The following PLEKHM3 variants were observed in gnomAD, a reference collection of about 807,000 sequenced individuals.
The protein encoded by PLEKHM3 is pleckstrin homology domain containing M3.
A neutral mutation model predicts 81.8 loss-of-function variants in PLEKHM3; 45 were observed. That is an observed-to-expected ratio of 0.55 (90% CI 0.43 to 0.71). The LOEUF (loss-of-function observed/expected upper bound fraction) is 0.71, where lower values mean the gene tolerates loss of function less well. PLEKHM3 is among the 30% of genes least tolerant of loss of function. The pLI is 0.00. For missense variants in PLEKHM3, 788 were observed against 924.3 expected, an observed-to-expected ratio of 0.85 and a Z score of 1.91; for synonymous variants, 352 against 356.4, an observed-to-expected ratio of 0.99 and a Z score of 0.14.
At chr2:208,007,599 A>G (rs933210981) in intron 1 of PLEKHM3, among the ~76,000 whole-genome samples, 10 of 152,228 alleles carry the variant, frequency 6.6e-5, no homozygotes, top group African/African-American at 2.4e-4. Flanking sequence ...GACTATTGCC[A>G]CATACATAAA....
intron 3 of PLEKHM3, among the ~76,000 whole-genome samples, chr2:207,955,979 G>A (rs1690493770): frequency 2.1e-5 from 3 of 143,632 alleles, no homozygotes; most frequent in South Asian, 2.3e-4. Flanking sequence ...AGGCTGTGTC[G>A]ACACAGGGGC....
chr2:207,922,760 A>G (rs1464277693), intron 5 of PLEKHM3, among the ~76,000 whole-genome samples: 1 of 151,860 alleles, frequency 6.6e-6, no homozygotes, highest in Non-Finnish European at 1.5e-5. Context: ...CGCAGTGAGC[A>G]GAGATCGTGC....
intron 6 of PLEKHM3, among the ~76,000 whole-genome samples, chr2:207,901,562 G>A (rs558870656): frequency 5.1e-4 from 77 of 152,296 alleles, no homozygotes; most frequent in Non-Finnish European, 9.3e-4. Flanking sequence ...CTGGGAGACC[G>A]AGCATGAGGC....
intron 6 of PLEKHM3, among the ~76,000 whole-genome samples, chr2:207,894,071 C>A (rs184849639): frequency 6.6e-6 from 1 of 152,264 alleles, no homozygotes. Flanking sequence ...GAGCTGGGAT[C>A]ATGCACTACA....
rs1266904915 is a variant in PLEKHM3 at position 207,861,153 on chromosome 2, C to T, written c.2060G>A (p.Cys687Tyr). The T allele has an allele frequency of 8.7e-6, 14 of 1,614,138 alleles. No individual in the cohort carries two copies. Among genetic ancestry groups the T allele is most frequent in the South Asian group, 2.2e-5 (2 of 91,074 alleles). Residue 687 changes from cysteine (C) to tyrosine (Y), a missense_variant, in exon 7 of 8, where the codon TGT (cysteine) becomes TAT (tyrosine). Transcript: ENST00000427836. Reference protein sequence around the residue: ...CSQKGFICEICNNGEILYPFE... With the variant: ...CSQKGFICEIYNNGEILYPFE... The stretch of plus-strand genomic sequence containing the variant: ...AGGGTAGAGGATCTCTCCATTGTTA[C>T]AGATTTCACAGATGAACCCCTTCTG...
chr2:207,963,488 C>T (rs1008351039), intron 3 of PLEKHM3, among the ~76,000 whole-genome samples: 2 of 152,050 alleles, frequency 1.3e-5, no homozygotes, highest in Non-Finnish European at 2.9e-5. Context: ...GCAGTTGAGA[C>T]AAGATTTAGA....
intron 3 of PLEKHM3, among the ~76,000 whole-genome samples, chr2:207,971,947 T>C (rs184691025): frequency 3.3e-4 from 50 of 152,358 alleles, no homozygotes; most frequent in Non-Finnish European, 6.2e-4. Context: ...CTGAAAAATC[T>C]GCAATTTCAC....
At chr2:208,016,177 G>C (rs973607944) in intron 1 of PLEKHM3, among the ~76,000 whole-genome samples, 2 of 152,136 alleles carry the variant, frequency 1.3e-5, no homozygotes, top group African/African-American at 4.8e-5. Context: ...CTGGGCGACA[G>C]AGAGAGACTC....
In PLEKHM3 at chr2:207,930,971, T is replaced by A. The variant is rs749623733; in HGVS notation, c.1841A>T (p.Tyr614Phe). The A allele has an allele frequency of 2.5e-6, 4 of 1,613,586 alleles. No homozygotes were observed. The South Asian group carries it at 4.4e-5, about 18-fold the overall frequency. Reference protein sequence around the residue: ...LRQRLKSLRAYLFSCRAAVAE... With the variant: ...LRQRLKSLRAFLFSCRAAVAE... ...CACCGCTGCCCGGCAGCTGAACAAA[T>A]AGGCTCGGAGCGACTTCAGCCGCTG... is the stretch of plus-strand genomic sequence containing the variant. The change falls in exon 5 of 8, where the codon TAT becomes TTT. Residue 614 changes from tyrosine to phenylalanine, a missense_variant. By Grantham distance (22) the Tyr-to-Phe change is conservative (BLOSUM62 3). Transcript: ENST00000427836.
intron 3 of PLEKHM3, among the ~76,000 whole-genome samples, chr2:207,958,532 G>C (rs1690598189): frequency 6.6e-6 from 1 of 152,130 alleles, no homozygotes; most frequent in Non-Finnish European, 1.5e-5. Context: ...GGAAAGGAAG[G>C]TCAATCTCAC....
chr2:207,920,912 A>G (rs1689159788), intron 5 of PLEKHM3, among the ~76,000 whole-genome samples: 1 of 152,190 alleles, frequency 6.6e-6, no homozygotes, highest in South Asian at 2.1e-4. Flanking sequence ...CAACGAGCAC[A>G]GGAGTGCCCG....
intron 3 of PLEKHM3, among the ~76,000 whole-genome samples, chr2:207,970,405 G>T (rs1354968277): frequency 2.0e-5 from 3 of 152,040 alleles, no homozygotes; most frequent in African/African-American, 7.3e-5. Context: ...GGCAGCAGGG[G>T]TCTGTGATGG....
intron 6 of PLEKHM3, among the ~76,000 whole-genome samples, chr2:207,862,639 CA>C (rs1559211453): frequency 6.7e-6 from 1 of 150,312 alleles, no homozygotes; most frequent in Admixed American, 6.6e-5. Context: ...ACTCCCGTCT[CA>C]AAAAAGAAAA....
chr2:208,019,823 T>C (rs1332657635), intron 1 of PLEKHM3: 2 of 152,248 alleles, frequency 1.3e-5, no homozygotes, highest in Admixed American at 1.3e-4. Flanking sequence ...ACTGTGCCTG[T>C]CTTGTTCATT....
intron 5 of PLEKHM3, among the ~76,000 whole-genome samples, chr2:207,911,710 T>C (rs72964897): frequency 6.6e-6 from 1 of 152,266 alleles, no homozygotes; most frequent in Non-Finnish European, 1.5e-5. Flanking sequence ...TAAAGTAAAA[T>C]GAAAGCAATG....
chr2:207,976,518 C>A lies in PLEKHM3; in HGVS notation c.1546+133G>T. 1.2e-6 allele frequency: 1 copy of A among 852,838 alleles called. No homozygotes were observed. 52.8% of individuals were successfully genotyped at this position (852,838 alleles called of 1,614,324 possible). A position where few individuals can be genotyped will look rare whatever the true frequency, so the allele number is the denominator to read the frequency against. On this transcript the variant is annotated intron_variant, in intron 3 of 7. Coordinates refer to ENST00000427836, the MANE Select transcript of PLEKHM3 (RefSeq NM_001080475.3). This position sits in a 1 kb window ranked among gnomAD's most constrained non-coding sequence, Gnocchi z 4.1. ...TAGGATGTTTTAATACAGTAAGCTT[C>A]TCGAGGAGAGATACTTTTTATAAAC...
chr2:207,841,365 T>C (rs1437162901), intron 7 of PLEKHM3, among the ~76,000 whole-genome samples: 1 of 142,942 alleles, frequency 7.0e-6, no homozygotes, highest in Non-Finnish European at 1.5e-5. Flanking sequence ...TTTGGGAGGC[T>C]GAGGCGCGAT....
chr2:207,830,854 T>C (rs527287663), intron 7 of PLEKHM3, among the ~76,000 whole-genome samples: 9 of 152,196 alleles, frequency 5.9e-5, no homozygotes, highest in Non-Finnish European at 1.2e-4. Flanking sequence ...GACCTTGATC[T>C]GAAATTTCCA....
chr2:208,020,815 ACT>A (rs1693105536), intron 1 of PLEKHM3, among the ~76,000 whole-genome samples: 1 of 152,126 alleles, frequency 6.6e-6, no homozygotes, highest in African/African-American at 2.4e-5. Context: ...GGCCACAGAC[ACT>A]CTCTGTACTT....
Sources: gnomAD v4.1 joint callset for allele counts (sites outside exome capture counted in the v4.1 genomes callset) on GRCh38, gnomAD v4.1.1 for gene constraint, Gnocchi (gnomAD v3.1) non-coding constraint, MANE v1.5 for transcripts, NCBI Gene and HGNC (gene_info 2026-07-23, HGNC 2026-07-21) for gene names.